Variants in SLC28A1 observed in about 807,000 individuals in gnomAD.
SLC28A1 encodes solute carrier family 28 member 1.
SLC28A1 carries 64 observed loss-of-function variants against 74.8 expected under a neutral mutation model. The observed-to-expected ratio is 0.86, with a 90% CI of 0.70 to 1.05. SLC28A1 has a LOEUF of 1.05. Ranked by LOEUF, SLC28A1 falls within the 50% of genes least tolerant of loss-of-function variation. The pLI, the probability that SLC28A1 is intolerant of heterozygous loss-of-function variation, is 0.00. For missense variants in SLC28A1, 828 were observed against 822.8 expected (o/e 1.01, Z -0.08); for synonymous variants, 359 against 335.0 (o/e 1.07, Z -0.78).
At chr15:84,928,572 T>TCTC in intron 12 of SLC28A1, among the ~76,000 whole-genome samples, 1 of 18,796 alleles carries the variant, frequency 5.3e-5, no homozygotes, top group Admixed American at 4.3e-4. Context: ...CTTTCTTTCT[T>TCTC]TCTTTCTTTC....
In SLC28A1 at chr15:84,944,883, G is replaced by A. The variant is rs2079143525; in HGVS notation, c.1874+16G>A. 1 of 1,566,510 alleles carries A rather than the reference G, an allele frequency of 6.4e-7. No homozygotes were observed. The highest frequency in any genetic ancestry group is 1.1e-5 in the South Asian group (1 of 90,120). ...CCTTCCAGAGGTGAGGGCCTGGGCT[G>A]TGGGACCTGCAGGGCACCCACAGTG... is the stretch of plus-strand genomic sequence containing the variant. On this transcript the variant is annotated intron_variant, in intron 18 of 18. Coordinates refer to ENST00000394573, the MANE Select transcript of SLC28A1 (RefSeq NM_004213.5).
intron 13 of SLC28A1, 64 bp from the exon 14 acceptor site, chr15:84,934,962 G>T (rs1596343580): frequency 7.1e-7 from 1 of 1,411,534 alleles, no homozygotes; most frequent in East Asian, 2.3e-5. Flanking sequence ...TGAGCCTATA[G>T]GATAGGGACC....
At chr15:84,915,963 T>C (rs1156647112) in intron 9 of SLC28A1, among the ~76,000 whole-genome samples, 1 of 151,682 alleles carries the variant, frequency 6.6e-6, no homozygotes, top group Non-Finnish European at 1.5e-5. Flanking sequence ...TTCTTCTTCT[T>C]ATTATTATTA....
At chr15:84,923,585 T>C (rs1970120552) in intron 11 of SLC28A1, among the ~76,000 whole-genome samples, 1 of 152,150 alleles carries the variant, frequency 6.6e-6, no homozygotes, top group Non-Finnish European at 1.5e-5. Context: ...GCAGGAGAGC[T>C]TGGGCCTGCA....
At chr15:84,889,487 A>G (rs1166945000) in intron 4 of SLC28A1, among the ~76,000 whole-genome samples, 1 of 151,772 alleles carries the variant, frequency 6.6e-6, no homozygotes, top group Admixed American at 6.6e-5. Flanking sequence ...AGGAGGTGGG[A>G]GGTGGGGACT....
At chr15:84,886,221 C>T in intron 1 of SLC28A1, 2 of 985,362 alleles carry the variant, frequency 2.0e-6, no homozygotes, top group African/African-American at 1.7e-5. Flanking sequence ...TACTATTTCT[C>T]ACAGCTACAC....
intron 15 of SLC28A1, among the ~76,000 whole-genome samples, chr15:84,938,236 G>A (rs1396638605): frequency 6.8e-6 from 1 of 148,084 alleles, no homozygotes; most frequent in African/African-American, 2.5e-5. Flanking sequence ...AGAGTAAAAA[G>A]CACAAGTTTC....
chr15:84,923,402 C>A (rs185859037), intron 11 of SLC28A1, among the ~76,000 whole-genome samples: 36 of 151,942 alleles, frequency 2.4e-4, no homozygotes, highest in Admixed American at 1.8e-3. Context: ...AAGGCAGGGA[C>A]TTTATCCTGT....
the SLC28A1 span, among the ~76,000 whole-genome samples, chr15:84,974,724 T>A: frequency 1.3e-5 from 2 of 152,154 alleles, no homozygotes; most frequent in Non-Finnish European, 2.9e-5. Flanking sequence ...ATGGATTCCA[T>A]AAGACACAGG....
the SLC28A1 span, among the ~76,000 whole-genome samples, chr15:84,958,712 C>T: frequency 6.6e-6 from 1 of 152,058 alleles, no homozygotes; most frequent in African/African-American, 2.4e-5. Context: ...CACCACCAAA[C>T]CTGGTTAATT....
chr15:84,889,359 G>C (rs76852378), intron 4 of SLC28A1, among the ~76,000 whole-genome samples: 150 of 152,308 alleles, frequency 9.8e-4, no homozygotes, highest in Non-Finnish European at 1.8e-3. Flanking sequence ...CTGGGTCCTT[G>C]TTGGCCAGAT....
At chr15:84,916,765 C>T (rs1000798430) in intron 9 of SLC28A1, among the ~76,000 whole-genome samples, 4 of 152,188 alleles carry the variant, frequency 2.6e-5, no homozygotes, top group African/African-American at 7.2e-5. Context: ...CAGTGGCTCA[C>T]GCCTGTAATC....
chr15:84,928,606 T>TTC lies in SLC28A1; in HGVS notation c.1083+4496_1083+4497insTC, dbSNP rs1567172744. On this transcript the variant is annotated intron_variant, in intron 12 of 18. Coordinates refer to ENST00000394573, the MANE Select transcript of SLC28A1 (RefSeq NM_004213.5). Reference sequence around the variant, plus strand: ...TCTTTCTTTCTTTCTTTCTTTCTTTTCTTTCTTTCTTTTCTTTCTTTCTTT... The same window carrying TTC: ...TCTTTCTTTCTTTCTTTCTTTCTTTTTCCTTTCTTTCTTTTCTTTCTTTCTTT... Among the ~76,000 whole-genome samples, 25 of 42,460 alleles carry TTC rather than the reference T, an allele frequency of 5.9e-4. 5 individuals are homozygous for TTC. The East Asian group carries it at 0.013, about 23-fold the overall frequency. The allele number at this position is 42,460 out of a possible 152,430, so 27.9% of individuals were successfully genotyped here. A position where few individuals can be genotyped will look rare whatever the true frequency, so the allele number is the denominator to read the frequency against.
At chr15:84,919,032 A>G (rs1476650647) in intron 10 of SLC28A1, among the ~76,000 whole-genome samples, 1 of 152,114 alleles carries the variant, frequency 6.6e-6, no homozygotes, top group Middle Eastern at 3.2e-3. Context: ...GTCCTTTCCC[A>G]GGGTCTCCTG....
In SLC28A1 at chr15:84,905,580, T is replaced by C; in HGVS notation, c.645T>C (p.Phe215=). 1 of 1,614,114 alleles carries C rather than the reference T, an allele frequency of 6.2e-7. No homozygotes were observed. Among genetic ancestry groups the C allele is most frequent in the Non-Finnish European group, 8.5e-7 (1 of 1,179,978 alleles). ...RAVSWGLGLQ[F]VLGLLVIRTE... ...TGTCTTGGGGACTTGGACTGCAGTTTGTACTTGGACTCCTCGTCATCAGAA... is the reference window on the plus strand; with the variant it reads ...TGTCTTGGGGACTTGGACTGCAGTTCGTACTTGGACTCCTCGTCATCAGAA... The change falls in exon 8 of 19, where the codon TTT becomes TTC. Residue 215 remains phenylalanine, a synonymous_variant. Coordinates refer to ENST00000394573, the MANE Select transcript of SLC28A1 (RefSeq NM_004213.5).
At chr15:84,959,544 TTC>T in the SLC28A1 span, among the ~76,000 whole-genome samples, 8 of 152,146 alleles carry the variant, frequency 5.3e-5, no homozygotes, top group African/African-American at 1.9e-4. Context: ...TCTCTTATTG[TTC>T]TTTCTTTATA....
intron 11 of SLC28A1, 140 bp downstream of exon 11, chr15:84,921,209 C>G: frequency 1.4e-6 from 1 of 726,160 alleles, no homozygotes; most frequent in Non-Finnish European, 2.5e-6. Flanking sequence ...TTCTGCTGCT[C>G]CAGGGATACT....
intron 18 of SLC28A1, 56 bp from the exon 19 acceptor site, chr15:84,945,069 G>C (rs375696240): frequency 1.9e-5 from 28 of 1,475,966 alleles, no homozygotes; most frequent in Non-Finnish European, 2.4e-5. Context: ...ACAGCCTGGT[G>C]GTGGCCCGCA....
chr15:84,909,943 A>ACTTTTGGC (rs1288954631), intron 9 of SLC28A1, among the ~76,000 whole-genome samples: 1 of 152,028 alleles, frequency 6.6e-6, no homozygotes, highest in African/African-American at 2.4e-5. Flanking sequence ...GACCCAGGAG[A>ACTTTTGGC]CTTTTGGCCC....
Sources: gnomAD v4.1 joint callset for allele counts (sites outside exome capture counted in the v4.1 genomes callset) on GRCh38, gnomAD v4.1.1 for gene constraint, MANE v1.5 for transcripts, NCBI Gene and HGNC (gene_info 2026-07-23, HGNC 2026-07-21) for gene names.